The following FRMPD4 variants were observed in gnomAD, a reference collection of about 807,000 sequenced individuals.
The protein encoded by FRMPD4 is FERM and PDZ domain containing 4, also known as FERM and PDZ domain-containing protein 4.
In FRMPD4, 22 loss-of-function variants were observed where a neutral mutation model predicts 94.1. That is an observed-to-expected ratio of 0.23 (90% CI 0.17 to 0.33). The LOEUF (loss-of-function observed/expected upper bound fraction) is 0.33. Ranked by LOEUF, FRMPD4 falls within the 10% of genes least tolerant of loss-of-function variation. FRMPD4 has a pLI of 1.00. For missense variants in FRMPD4, 1,111 were observed against 1,339.9 expected (o/e 0.83, Z 2.67); for synonymous variants, 631 against 548.6 (o/e 1.15, Z -2.10).
chrX:12,243,511 T>G (rs1299661511), intron 1 of FRMPD4, among the ~76,000 whole-genome samples: 1 of 111,835 alleles, frequency 8.9e-6, no homozygotes, highest in Non-Finnish European at 1.9e-5. Flanking sequence ...ACAAATGTCT[T>G]ATATGTTGTT....
intron 3 of FRMPD4, among the ~76,000 whole-genome samples, chrX:12,007,759 G>T (rs2054561417): frequency 8.9e-6 from 1 of 112,535 alleles, no homozygotes; most frequent in Non-Finnish European, 1.9e-5. Flanking sequence ...CCAACAGAAA[G>T]CTTTTTAATA....
chrX:12,214,433 A>G (rs1198299317), intron 1 of FRMPD4, among the ~76,000 whole-genome samples: 3 of 112,277 alleles, frequency 2.7e-5, no homozygotes, highest in Non-Finnish European at 5.6e-5. Flanking sequence ...ATCTGTTATG[A>G]TTTATACCCT....
chrX:11,962,433 T>C (rs913224612), intron 3 of FRMPD4, among the ~76,000 whole-genome samples: 4 of 111,838 alleles, frequency 3.6e-5, no homozygotes, highest in Non-Finnish European at 7.5e-5. Flanking sequence ...ACTTGATCAT[T>C]TTCCAAAAGT....
chrX:12,026,990 G>C (rs1239706007), intron 3 of FRMPD4, among the ~76,000 whole-genome samples: 1 of 111,757 alleles, frequency 8.9e-6, no homozygotes, highest in Admixed American at 9.5e-5. Flanking sequence ...CTCCCATATA[G>C]TATAGGAATT....
Position 12,292,011 on chromosome X carries a change from T to C in FRMPD4, c.41+152999T>C, listed in dbSNP as rs1214457429. Reference sequence around the variant, plus strand: ...TAGGCCTGTGCTTGGCAAATACGTGTTTTTCAGTGCTTTCCAGACAGTGAC... The same window carrying C: ...TAGGCCTGTGCTTGGCAAATACGTGCTTTTCAGTGCTTTCCAGACAGTGAC... On this transcript the variant is annotated intron_variant, in intron 1 of 16. Transcript: ENST00000675598. 3.6e-5 allele frequency among the ~76,000 whole-genome samples: 4 copies of C among 112,075 alleles called. No homozygotes were observed. In the East Asian group the frequency reaches 1.1e-3, roughly 31 times the overall value.
chrX:12,307,461 TCA>T (rs1255851873), intron 1 of FRMPD4, among the ~76,000 whole-genome samples: 1 of 112,179 alleles, frequency 8.9e-6, no homozygotes, highest in African/African-American at 3.2e-5. Flanking sequence ...TGGATGAATC[TCA>T]GAGACCAATG....
At chrX:12,687,453 A>G (rs2147113232) in intron 7 of FRMPD4, among the ~76,000 whole-genome samples, 1 of 111,593 alleles carries the variant, frequency 9.0e-6, no homozygotes, top group African/African-American at 3.3e-5. Context: ...GATAGTAAAC[A>G]TTTTAGGCTT....
chrX:12,627,024 C>G (rs766369536), intron 4 of FRMPD4, among the ~76,000 whole-genome samples: 62 of 111,192 alleles, frequency 5.6e-4, no homozygotes, highest in African/African-American at 1.9e-3. Flanking sequence ...GCCTGTAATC[C>G]CAGCACTTTG....
At chrX:12,403,358 C>T (rs945485897) in intron 1 of FRMPD4, among the ~76,000 whole-genome samples, 1 of 105,246 alleles carries the variant, frequency 9.5e-6, no homozygotes, top group Non-Finnish European at 1.9e-5. Context: ...TCCCCTCTTC[C>T]TAGAACACTT....
At chrX:11,947,076 A>G (rs1027159814) in intron 3 of FRMPD4, among the ~76,000 whole-genome samples, 2 of 111,493 alleles carry the variant, frequency 1.8e-5, no homozygotes, top group Admixed American at 1.9e-4. Context: ...ATACACTCTT[A>G]CAGCCTGGGA....
intron 2 of FRMPD4, among the ~76,000 whole-genome samples, chrX:12,508,453 G>A (rs1485438415): frequency 8.9e-6 from 1 of 112,398 alleles, no homozygotes; most frequent in Non-Finnish European, 1.9e-5. Context: ...AGGAGATAAA[G>A]GAGACCAACA....
intron 1 of FRMPD4, among the ~76,000 whole-genome samples, chrX:11,843,743 G>A (rs1405025031): frequency 9.2e-6 from 1 of 108,824 alleles, no homozygotes; most frequent in Non-Finnish European, 1.9e-5. Flanking sequence ...TTTTTTGTGG[G>A]TCTTGCTGTG....
chrX:11,987,741 C>G (rs113772234), intron 3 of FRMPD4, among the ~76,000 whole-genome samples: 4 of 111,202 alleles, frequency 3.6e-5, no homozygotes, highest in African/African-American at 1.3e-4. Context: ...GATACAAAAC[C>G]AACATTCAAA....
chrX:12,451,587 G>A (rs1372803743), intron 1 of FRMPD4, among the ~76,000 whole-genome samples: 1 of 111,802 alleles, frequency 8.9e-6, no homozygotes, highest in African/African-American at 3.2e-5. Flanking sequence ...CTTTAAATAT[G>A]TAATATCTTT....
At chrX:12,456,691 TAAA>T (rs895502157) in intron 1 of FRMPD4, among the ~76,000 whole-genome samples, 4 of 113,126 alleles carry the variant, frequency 3.5e-5, no homozygotes, top group African/African-American at 1.3e-4. Context: ...GTAAGATTCT[TAAA>T]TAATTTTGGA....
intron 1 of FRMPD4, among the ~76,000 whole-genome samples, chrX:12,414,479 T>C (rs149572395): frequency 3.6e-5 from 4 of 112,643 alleles, no homozygotes; most frequent in African/African-American, 1.3e-4. Context: ...ACAAAACTAA[T>C]TAAGTCTCAA....
rs41297281 is a variant in FRMPD4 at position 12,720,940 on chromosome X, C to G, written c.4371C>G (p.Ser1457=). 3,315 of 801,053 alleles carry G rather than the reference C, an allele frequency of 4.1e-3. 5 individuals are homozygous for G. The highest frequency in any genetic ancestry group is 4.8e-3 in the Non-Finnish European group (3,183 of 668,483). 66.0% of individuals were successfully genotyped at this position (801,053 alleles called of 1,213,427 possible). The change falls in exon 17 of 17, where the codon TCC becomes TCG. Residue 1457 remains serine, a synonymous_variant. Coordinates refer to ENST00000675598, the MANE Select transcript of FRMPD4 (RefSeq NM_001368397.1). The stretch of plus-strand genomic sequence containing the variant: ...GGAGGAAGCTCACCAAAAGTTTTTC[C>G]CAAAGCTCAATGCACTTGAGCTCTG... ...PLGRKLTKSF[S]QSSMHLSSEG... is the part of the protein sequence containing the mutation.
chrX:11,837,908 A>G (rs2053510770), intron 1 of FRMPD4, among the ~76,000 whole-genome samples: 1 of 111,690 alleles, frequency 9.0e-6, no homozygotes, highest in African/African-American at 3.2e-5. Context: ...TAAATCATTA[A>G]GAATCTAGCA....
intron 3 of FRMPD4, among the ~76,000 whole-genome samples, chrX:12,016,596 G>A (rs752549285): frequency 1.8e-5 from 2 of 111,591 alleles, no homozygotes; most frequent in Non-Finnish European, 3.8e-5. Flanking sequence ...GCAAAGGAAG[G>A]TTAGCTAAAG....
Sources: gnomAD v4.1 joint callset for allele counts (sites outside exome capture counted in the v4.1 genomes callset) on GRCh38, gnomAD v4.1.1 for gene constraint, MANE v1.5 for transcripts, NCBI Gene and HGNC (gene_info 2026-07-23, HGNC 2026-07-21) for gene names.